Variants in TYW1B observed in about 807,000 individuals in gnomAD.
TYW1B encodes the protein S-adenosyl-L-methionine-dependent tRNA 4-demethylwyosine synthase TYW1B.
TYW1B carries 73 observed loss-of-function variants against 86.9 expected under a neutral mutation model. That is an observed-to-expected ratio of 0.84 (90% CI 0.70 to 1.02). The LOEUF is 1.02. Ranked by LOEUF, TYW1B falls within the 50% of genes least tolerant of loss-of-function variation. TYW1B has a pLI of 0.00. For synonymous variants in TYW1B, 248 were observed against 292.8 expected (o/e 0.85, Z 1.56); for missense variants, 637 against 827.4 (o/e 0.77, Z 2.82).
rs1333125404 is a variant in TYW1B, at chr7:72,774,731, A to AAAAT, written c.964+2681_964+2684dup. Among the ~76,000 whole-genome samples, 15 of 152,200 alleles carry AAAAT rather than the reference A, an allele frequency of 9.9e-5. No individual in the cohort carries two copies. The East Asian group carries it at 2.9e-3, about 29-fold the overall frequency. ...GGGCAACAGAGTGAGACTCCGTCTC[A>AAAAT]AAATAAATAAATAAATAATAAAAAT... is the stretch of plus-strand genomic sequence containing the variant. On this transcript the variant is annotated intron_variant, in intron 7 of 13. Transcript: ENST00000620995.
intron 9 of TYW1B, among the ~76,000 whole-genome samples, chr7:72,727,506 C>A (rs1787022342): frequency 6.6e-6 from 1 of 152,112 alleles, no homozygotes; most frequent in South Asian, 2.1e-4. Context: ...TGAATAACAT[C>A]AACACCAACC....
At chr7:72,619,649 A>G (rs1370957533) in intron 12 of TYW1B, among the ~76,000 whole-genome samples, 1 of 146,826 alleles carries the variant, frequency 6.8e-6, no homozygotes, top group Non-Finnish European at 1.5e-5. Flanking sequence ...CTCCGTCTCA[A>G]AAAAAAAAAA....
chr7:72,751,473 T>A (rs1787499562), intron 7 of TYW1B, among the ~76,000 whole-genome samples: 1 of 152,246 alleles, frequency 6.6e-6, no homozygotes. Flanking sequence ...TCTCTTACTG[T>A]ACGTCTCAAT....
chr7:72,667,910 T>C (rs1490983155), intron 11 of TYW1B, among the ~76,000 whole-genome samples: 6 of 152,184 alleles, frequency 3.9e-5, no homozygotes, highest in African/African-American at 1.4e-4. Flanking sequence ...AAACCATTTT[T>C]CTTATTTTTT....
chr7:72,639,825 C>T (rs1470710673), intron 11 of TYW1B, among the ~76,000 whole-genome samples: 6 of 150,182 alleles, frequency 4.0e-5, no homozygotes, highest in African/African-American at 7.4e-5. Flanking sequence ...GAGATTGGGC[C>T]GCTGTACTCC....
chr7:72,602,647 T>C (rs1209280198), intron 13 of TYW1B, among the ~76,000 whole-genome samples: 1 of 152,144 alleles, frequency 6.6e-6, no homozygotes, highest in African/African-American at 2.4e-5. Flanking sequence ...AACACGTGGC[T>C]GACTGACAGC....
intron 11 of TYW1B, among the ~76,000 whole-genome samples, chr7:72,632,543 G>T (rs1299833618): frequency 1.5e-5 from 2 of 137,358 alleles, no homozygotes; most frequent in African/African-American, 5.5e-5. Context: ...GAAATAGCAT[G>T]CAGGACAGTG....
intron 11 of TYW1B, among the ~76,000 whole-genome samples, chr7:72,660,167 G>C (rs1263769106): frequency 6.6e-6 from 1 of 152,002 alleles, no homozygotes; most frequent in Non-Finnish European, 1.5e-5. Flanking sequence ...CCAGGAGTTC[G>C]AGACCTACCT....
intron 11 of TYW1B, among the ~76,000 whole-genome samples, chr7:72,640,991 C>T (rs1488489550): frequency 5.3e-5 from 8 of 152,018 alleles, no homozygotes; most frequent in Non-Finnish European, 7.4e-5. Flanking sequence ...AAAGTCTGTT[C>T]TATGAAAAGA....
chr7:72,697,547 C>A (rs1814351301), intron 10 of TYW1B, among the ~76,000 whole-genome samples: 1 of 152,082 alleles, frequency 6.6e-6, no homozygotes, highest in East Asian at 1.9e-4. Context: ...TCTATTCACC[C>A]AGAAGAGATA....
intron 7 of TYW1B, among the ~76,000 whole-genome samples, chr7:72,745,352 T>C (rs782234191): frequency 6.6e-6 from 1 of 152,076 alleles, no homozygotes; most frequent in East Asian, 1.9e-4. Context: ...TTTGAGACAC[T>C]GTGGAAGCAA....
chr7:72,722,096 T>C (rs1355466130), intron 9 of TYW1B, among the ~76,000 whole-genome samples: 3 of 152,178 alleles, frequency 2.0e-5, no homozygotes, highest in Non-Finnish European at 4.4e-5. Flanking sequence ...AAATAATACC[T>C]GTTTGATACA....
intron 2 of TYW1B, 115 bp downstream of exon 2, chr7:72,826,740 T>A (rs1788937524): frequency 1.7e-5 from 22 of 1,315,772 alleles, no homozygotes; most frequent in Middle Eastern, 2.0e-4. Flanking sequence ...TTTAGGCATT[T>A]CATTAAAATG....
intron 11 of TYW1B, among the ~76,000 whole-genome samples, chr7:72,677,593 T>C (rs1813764348): frequency 6.6e-6 from 1 of 152,234 alleles, no homozygotes; most frequent in African/African-American, 2.4e-5. Flanking sequence ...ACCTGTATCT[T>C]TGACAGCTTC....
rs570490975 is a variant in TYW1B, at chr7:72,735,545, C to A, written c.1083-6614G>T. On this transcript the variant is annotated intron_variant, in intron 8 of 13. Transcript: ENST00000620995. Reference sequence around the variant, plus strand: ...CAAGATTGTGTCACTGCACTCCAGCCTGGGCAACAGCAAGACTCTGCCTTA... The same window carrying A: ...CAAGATTGTGTCACTGCACTCCAGCATGGGCAACAGCAAGACTCTGCCTTA... Among the ~76,000 whole-genome samples, 4 of 148,196 alleles carry A rather than the reference C, an allele frequency of 2.7e-5. No individual in the cohort carries two copies. The East Asian group carries it at 7.9e-4, about 29-fold the overall frequency.
chr7:72,589,646 G>A (rs1554431068), intron 13 of TYW1B, among the ~76,000 whole-genome samples: 2 of 152,214 alleles, frequency 1.3e-5, no homozygotes. Flanking sequence ...GGAGGCCAAG[G>A]CAGGTGGATC....
At chr7:72,817,546 A>T (rs182944992) in intron 2 of TYW1B, among the ~76,000 whole-genome samples, 29 of 152,136 alleles carry the variant, frequency 1.9e-4, no homozygotes, top group African/African-American at 6.5e-4. Flanking sequence ...CTCGAATAGG[A>T]GGTGTTTGGG....
chr7:72,593,301 G>A (rs79576148), intron 13 of TYW1B, among the ~76,000 whole-genome samples: 22,198 of 115,774 alleles, frequency 0.19, 2,327 homozygotes, highest in East Asian at 0.55. Context: ...CTCAAAAAAA[G>A]AAAAAGAAAG....
At chr7:72,584,484 G>A (rs1554430183) in intron 13 of TYW1B, among the ~76,000 whole-genome samples, 1 of 149,544 alleles carries the variant, frequency 6.7e-6, no homozygotes, top group Non-Finnish European at 1.5e-5. Flanking sequence ...TTGAGATGGA[G>A]TCTCACTCTT....
Sources: gnomAD v4.1 joint callset for allele counts (sites outside exome capture counted in the v4.1 genomes callset) on GRCh38, gnomAD v4.1.1 for gene constraint, MANE v1.5 for transcripts, NCBI Gene and HGNC (gene_info 2026-07-23, HGNC 2026-07-21) for gene names.